MSRA: variants seen among roughly 807,000 people sequenced by gnomAD.
MSRA encodes mitochondrial peptide methionine sulfoxide reductase.
Under a neutral mutation model 31.3 loss-of-function variants are expected in MSRA, and 54 were observed. That is an observed-to-expected ratio of 1.73 (90% confidence interval 1.39 to 2.17). The LOEUF (loss-of-function observed/expected upper bound fraction) is 2.17, where lower values mean the gene tolerates loss of function less well. MSRA is among the 30% of genes most tolerant of loss of function. MSRA has a pLI of 0.00. For synonymous variants in MSRA, 169 were observed against 116.5 expected (o/e 1.45, Z -2.90); for missense variants, 507 against 300.9 (o/e 1.69, Z -5.07).
intron 5 of MSRA, among the ~76,000 whole-genome samples, chr8:10,361,080 C>T (rs1804819594): frequency 6.6e-6 from 1 of 152,200 alleles, no homozygotes. Flanking sequence ...GTTTCCATGC[C>T]CTCTCAGGCT....
chr8:10,376,836 G>C lies in MSRA; in HGVS notation c.544-51312G>C, dbSNP rs141869484. On this transcript the variant is annotated intron_variant, in intron 5 of 5. Coordinates refer to ENST00000317173, the MANE Select transcript of MSRA (RefSeq NM_012331.5). ...AGAGATTTTCATCTAGTGAAAGCAA[G>C]TATTCCTGGGCATAGCCACAATAAA... Among the ~76,000 whole-genome samples, 15 of 152,336 alleles carry C rather than the reference G, an allele frequency of 9.8e-5. No homozygotes were observed. The East Asian group carries it at 2.3e-3, about 23-fold the overall frequency.
intron 5 of MSRA, among the ~76,000 whole-genome samples, chr8:10,335,628 C>T (rs1202636267): frequency 6.6e-6 from 1 of 152,142 alleles, no homozygotes; most frequent in Non-Finnish European, 1.5e-5. Flanking sequence ...AGGGGAACTG[C>T]AGCTACCTGC....
At chr8:10,116,408 T>C (rs1800680650) in intron 1 of MSRA, among the ~76,000 whole-genome samples, 1 of 152,162 alleles carries the variant, frequency 6.6e-6, no homozygotes, top group Admixed American at 6.5e-5. Context: ...TCTTTTCACA[T>C]AGTGAGTAAA....
At chr8:10,139,970 A>G (rs970890786) in intron 1 of MSRA, among the ~76,000 whole-genome samples, 2 of 152,248 alleles carry the variant, frequency 1.3e-5, no homozygotes, top group African/African-American at 2.4e-5. Flanking sequence ...TGAGTCATCT[A>G]TAGCAAAAGA....
chr8:10,190,925 C>CTAA (rs1223984483), intron 1 of MSRA, among the ~76,000 whole-genome samples: 1 of 144,570 alleles, frequency 6.9e-6, no homozygotes. Flanking sequence ...TGTAGTGAGA[C>CTAA]TAAGTTCAGG....
At chr8:10,089,466 T>G (rs1024112762) in intron 1 of MSRA, among the ~76,000 whole-genome samples, 1 of 152,188 alleles carries the variant, frequency 6.6e-6, no homozygotes, top group African/African-American at 2.4e-5. Context: ...GAATTTGCCA[T>G]TGCACATTCC....
At chr8:10,222,466 A>G (rs886430337) in intron 2 of MSRA, among the ~76,000 whole-genome samples, 2 of 152,186 alleles carry the variant, frequency 1.3e-5, no homozygotes, top group Non-Finnish European at 2.9e-5. Context: ...AAAAATTTAC[A>G]ACAAGACTAT....
intron 1 of MSRA, among the ~76,000 whole-genome samples, chr8:10,085,955 A>G (rs1198886879): frequency 6.6e-6 from 1 of 152,216 alleles, no homozygotes; most frequent in Non-Finnish European, 1.5e-5. Context: ...GGCAGCAGAT[A>G]GACCTTGCTG....
intron 5 of MSRA, among the ~76,000 whole-genome samples, chr8:10,324,440 AC>A (rs1421731339): frequency 6.6e-6 from 1 of 152,076 alleles, no homozygotes; most frequent in Non-Finnish European, 1.5e-5. Flanking sequence ...GGAACATGGG[AC>A]GGCCACGGAA....
rs144185203 is a variant in MSRA at position 10,170,326 on chromosome 8, T to C, written c.143-37507T>C. On this transcript the variant is annotated intron_variant, in intron 1 of 5. Coordinates refer to ENST00000317173, the MANE Select transcript of MSRA (RefSeq NM_012331.5). ...AAGGGTGGAGCCCTTAGGCATGGAG[T>C]TAGTGCTCTTATAAGAAAGGCCCCA... is the stretch of plus-strand genomic sequence containing the variant. Among the ~76,000 whole-genome samples the C allele has an allele frequency of 1.3e-3, 195 of 152,132 alleles. 1 individual carries two copies. The highest frequency in any genetic ancestry group is 4.4e-3 in the African/African-American group (181 of 41,506).
chr8:10,107,128 C>G (rs377403026), intron 1 of MSRA, among the ~76,000 whole-genome samples: 3 of 152,234 alleles, frequency 2.0e-5, no homozygotes, highest in African/African-American at 7.2e-5. Context: ...TAAATGTGGC[C>G]AAGCGCAGTG....
At chr8:10,115,394 C>T (rs1800604035) in intron 1 of MSRA, among the ~76,000 whole-genome samples, 1 of 152,150 alleles carries the variant, frequency 6.6e-6, no homozygotes, top group Non-Finnish European at 1.5e-5. Context: ...GTAAGAATGG[C>T]AGGGGCCACT....
At chr8:10,089,396 T>C (rs903824513) in intron 1 of MSRA, among the ~76,000 whole-genome samples, 1 of 152,242 alleles carries the variant, frequency 6.6e-6, no homozygotes, top group African/African-American at 2.4e-5. Context: ...CAAAAGGTTT[T>C]GAGGCCACCA....
At chr8:10,342,744 G>T (rs377086036) in intron 5 of MSRA, among the ~76,000 whole-genome samples, 1 of 152,156 alleles carries the variant, frequency 6.6e-6, no homozygotes, top group Non-Finnish European at 1.5e-5. Context: ...CTCACACAGC[G>T]TGGGTGCCAA....
Position 10,083,017 on chromosome 8 carries a change from T to A in MSRA, c.142+28359T>A, listed in dbSNP as rs563360736. Among the ~76,000 whole-genome samples, 5 of 152,334 alleles carry A rather than the reference T, an allele frequency of 3.3e-5. No homozygotes were observed. The South Asian group carries it at 1.0e-3, about 32-fold the overall frequency. On this transcript the variant is annotated intron_variant, in intron 1 of 5. Coordinates refer to ENST00000317173, the MANE Select transcript of MSRA (RefSeq NM_012331.5). ...CAGATGAGAATAATTAAGCCTCCAATCTGATGGCACTGACTGGGGGTGCAT... is the reference window on the plus strand; with the variant it reads ...CAGATGAGAATAATTAAGCCTCCAAACTGATGGCACTGACTGGGGGTGCAT...
intron 5 of MSRA, among the ~76,000 whole-genome samples, chr8:10,364,864 T>G (rs1440902535): frequency 6.6e-6 from 1 of 152,230 alleles, no homozygotes; most frequent in Non-Finnish European, 1.5e-5. Flanking sequence ...GTCAATTTCA[T>G]GTGCGTGGGT....
intron 1 of MSRA, among the ~76,000 whole-genome samples, chr8:10,140,141 AAGG>A (rs1316893747): frequency 2.0e-5 from 3 of 152,174 alleles, no homozygotes; most frequent in African/African-American, 4.8e-5. Flanking sequence ...TGATTAGACA[AAGG>A]AGGAGTGAGC....
At chr8:10,297,997 C>A (rs1427219658) in intron 3 of MSRA, among the ~76,000 whole-genome samples, 1 of 152,188 alleles carries the variant, frequency 6.6e-6, no homozygotes, top group East Asian at 1.9e-4. Context: ...CATTCAGAAG[C>A]TCAGGTCATA....
rs140023881 is a variant in MSRA at position 10,063,745 on chromosome 8, A to T, written c.142+9087A>T. On this transcript the variant is annotated intron_variant, in intron 1 of 5. Transcript: ENST00000317173. ...ACCAGAATTTGGGCTCTCACCAGACACTGAACCTGCTAGCGCTTTGATCTT... is the reference window on the plus strand; with the variant it reads ...ACCAGAATTTGGGCTCTCACCAGACTCTGAACCTGCTAGCGCTTTGATCTT... Among the ~76,000 whole-genome samples the T allele has an allele frequency of 6.4e-3, 977 of 152,328 alleles. 3 individuals are homozygous for T. Among genetic ancestry groups the T allele is most frequent in the Non-Finnish European group, 9.7e-3 (658 of 68,026 alleles).
Sources: gnomAD v4.1 joint callset for allele counts (sites outside exome capture counted in the v4.1 genomes callset) on GRCh38, gnomAD v4.1.1 for gene constraint, MANE v1.5 for transcripts, NCBI Gene and HGNC (gene_info 2026-07-23, HGNC 2026-07-21) for gene names.